Variants in FMN2 observed in about 807,000 individuals in gnomAD.
FMN2 encodes the protein formin 2.
FMN2 carries 51 observed loss-of-function variants against 142.3 expected under a neutral mutation model. The observed-to-expected ratio is 0.36, with a 90% CI of 0.29 to 0.45. The LOEUF (loss-of-function observed/expected upper bound fraction) is 0.45. Among genes scored for constraint, FMN2 ranks in the 20% least tolerant of loss-of-function variants. The probability of loss-of-function intolerance (pLI) is 1.00; values close to 1 mark genes in which losing one functional copy is unlikely to be tolerated. For synonymous variants in FMN2, 882 were observed against 869.8 expected (o/e 1.01, Z -0.25); for missense variants, 1,936 against 2,122.8 (o/e 0.91, Z 1.73).
intron 16 of FMN2, among the ~76,000 whole-genome samples, chr1:240,440,278 G>C (rs145791821): frequency 1.3e-5 from 2 of 152,262 alleles, no homozygotes; most frequent in East Asian, 1.9e-4. Context: ...GACTAATTCA[G>C]ATGCTTTGCT....
chr1:240,418,424 T>C (rs1674654467), intron 15 of FMN2, among the ~76,000 whole-genome samples: 1 of 152,018 alleles, frequency 6.6e-6, no homozygotes, highest in Non-Finnish European at 1.5e-5. Flanking sequence ...CTCGAACTCC[T>C]GACCTCGTGA....
At chr1:240,355,936 T>C (rs1323988407) in intron 14 of FMN2, 28 bp downstream of exon 14, 4 of 890,712 alleles carry the variant, frequency 4.5e-6, no homozygotes, top group Middle Eastern at 2.8e-4. Flanking sequence ...GTGTTATGTT[T>C]TTCTCCCCTT....
At chr1:240,451,270 A>G (rs968904057) in intron 16 of FMN2, among the ~76,000 whole-genome samples, 19 of 151,234 alleles carry the variant, frequency 1.3e-4, no homozygotes, top group Non-Finnish European at 1.5e-4. Flanking sequence ...GAGGCAGGGG[A>G]ATCACTTGAA....
chr1:240,451,584 C>T (rs771367378), intron 16 of FMN2, among the ~76,000 whole-genome samples: 1 of 151,996 alleles, frequency 6.6e-6, no homozygotes, highest in Non-Finnish European at 1.5e-5. Flanking sequence ...TTAGAGAGGC[C>T]CAACTGCCTG....
At chr1:240,381,965 G>T (rs1486726351) in intron 14 of FMN2, among the ~76,000 whole-genome samples, 1 of 152,126 alleles carries the variant, frequency 6.6e-6, no homozygotes, top group African/African-American at 2.4e-5. Context: ...GCTGGAAGTT[G>T]TAGCCAAAGC....
intron 4 of FMN2, among the ~76,000 whole-genome samples, chr1:240,194,056 T>TTTG (rs138697334): frequency 5.9e-5 from 9 of 152,258 alleles, no homozygotes; most frequent in Admixed American, 2.0e-4. Context: ...TTGTTTGTTT[T>TTTG]TTGTTGTTGT....
At position 240,474,342 on chromosome 1, in the gene FMN2, G is replaced by A. The variant is rs964405401; in HGVS notation, c.*188G>A. ...TGTATATTCATATAAAAATGCAAAC[G>A]TACTAGACCAGTGGAGAATTTGACA... On this transcript the variant is annotated 3_prime_UTR_variant, in exon 18 of 18. Coordinates refer to ENST00000319653, the MANE Select transcript of FMN2 (RefSeq NM_020066.5). The A allele has an allele frequency of 2.6e-5, 14 of 537,424 alleles. No homozygotes were observed. Among genetic ancestry groups the A allele is most frequent in the African/African-American group, 6.0e-5 (3 of 49,868 alleles). The allele number at this position is 537,424 out of a possible 1,614,324, so 33.3% of individuals were successfully genotyped here.
At chr1:240,427,191 ATG>A in intron 15 of FMN2, among the ~76,000 whole-genome samples, 1 of 118,466 alleles carries the variant, frequency 8.4e-6, no homozygotes, top group South Asian at 2.7e-4. Flanking sequence ...ATATATATAT[ATG>A]GTTTTTTTTT....
intron 8 of FMN2, among the ~76,000 whole-genome samples, chr1:240,327,830 G>C (rs1671221163): frequency 6.6e-6 from 1 of 152,032 alleles, no homozygotes; most frequent in Non-Finnish European, 1.5e-5. Flanking sequence ...AAGAAAATAA[G>C]CATGGAGTCA....
chr1:240,407,679 A>C (rs1276113226), intron 15 of FMN2, among the ~76,000 whole-genome samples: 1 of 152,132 alleles, frequency 6.6e-6, no homozygotes, highest in Non-Finnish European at 1.5e-5. Context: ...TGTTCCCCTA[A>C]AGAGTGTGCA....
intron 13 of FMN2, among the ~76,000 whole-genome samples, chr1:240,337,575 A>C (rs181465807): frequency 3.3e-5 from 5 of 152,292 alleles, no homozygotes; most frequent in African/African-American, 1.2e-4. Flanking sequence ...TATAGAAAGC[A>C]TTTATCTCAA....
intron 7 of FMN2, among the ~76,000 whole-genome samples, chr1:240,274,150 CAG>C (rs1056490723): frequency 6.9e-6 from 1 of 143,946 alleles, no homozygotes; most frequent in Non-Finnish European, 1.5e-5. Context: ...GAAATAAAGA[CAG>C]AGAGACAAAA....
chr1:240,195,430 A>G (rs985696285), intron 4 of FMN2, among the ~76,000 whole-genome samples: 1 of 152,206 alleles, frequency 6.6e-6, no homozygotes, highest in African/African-American at 2.4e-5. Flanking sequence ...GAAGGCTGTG[A>G]TGTGCCTTGT....
At chr1:240,213,608 G>A (rs530939554) in intron 6 of FMN2, among the ~76,000 whole-genome samples, 4 of 152,308 alleles carry the variant, frequency 2.6e-5, no homozygotes, top group African/African-American at 9.6e-5. Context: ...AATGTGCACT[G>A]ATTGTATGTG....
At chr1:240,196,129 AT>A (rs1332321205) in intron 4 of FMN2, among the ~76,000 whole-genome samples, 1 of 152,224 alleles carries the variant, frequency 6.6e-6, no homozygotes, top group East Asian at 1.9e-4. Context: ...CTAATAGAGG[AT>A]TTAAAACGTT....
At chr1:240,323,344 G>C (rs951665541) in intron 8 of FMN2, among the ~76,000 whole-genome samples, 1 of 151,930 alleles carries the variant, frequency 6.6e-6, no homozygotes, top group African/African-American at 2.4e-5. Context: ...ACAGGCATCT[G>C]CCACCACGCC....
chr1:240,140,915 G>A (rs1216792901), intron 2 of FMN2, among the ~76,000 whole-genome samples: 1 of 152,168 alleles, frequency 6.6e-6, no homozygotes, highest in East Asian at 1.9e-4. Context: ...GAAGACATTT[G>A]AGCTGAAAAG....
chr1:240,243,647 C>G (rs1017932537), intron 6 of FMN2, among the ~76,000 whole-genome samples: 1 of 152,030 alleles, frequency 6.6e-6, no homozygotes. Flanking sequence ...TATACTTTAC[C>G]GAATTTGTTT....
At chr1:240,449,330 C>CA (rs555650454) in intron 16 of FMN2, among the ~76,000 whole-genome samples, 129 of 152,254 alleles carry the variant, frequency 8.5e-4, no homozygotes, top group African/African-American at 2.3e-3. Flanking sequence ...CACTGGGCCC[C>CA]ACTCCATGGC....
Sources: allele counts gnomAD v4.1 joint callset (sites outside exome capture counted in the v4.1 genomes callset), GRCh38; gene constraint gnomAD v4.1.1; transcripts MANE v1.5; gene names NCBI Gene and HGNC (gene_info 2026-07-23, HGNC 2026-07-21).